The following ADGRV1 variants were observed in gnomAD, a reference collection of about 807,000 sequenced individuals.
ADGRV1 encodes the protein G-protein coupled receptor 98.
Under a neutral mutation model 596.2 loss-of-function variants are expected in ADGRV1, and 359 were observed. That is an observed-to-expected ratio of 0.60 (90% CI 0.55 to 0.66). The LOEUF (loss-of-function observed/expected upper bound fraction) is 0.66. Among genes scored for constraint, ADGRV1 ranks in the 30% least tolerant of loss-of-function variants. ADGRV1 has a pLI of 0.00. For synonymous variants in ADGRV1, 2,681 were observed against 2,679.2 expected (o/e 1.00, Z -0.02); for missense variants, 7,274 against 7,575.6 (o/e 0.96, Z 1.48).
Position 90,706,392 on chromosome 5 carries a change from G to C in ADGRV1, c.8728G>C (p.Glu2910Gln), listed in dbSNP as rs1474414053. 5.2e-6 allele frequency: 8 copies of C among 1,543,148 alleles called. No homozygotes were observed. Among genetic ancestry groups the C allele is most frequent in the Non-Finnish European group, 5.2e-6 (6 of 1,157,504 alleles). The change falls in exon 38 of 90, where the codon GAG (glutamate) becomes CAG (glutamine). Residue 2910 changes from glutamate to glutamine, a missense_variant and splice_region_variant. Around this residue, in one of 5 missense-constraint regions of ADGRV1, gnomAD observed 3,643 missense variants for 3,809.2 expected, o/e 0.96. Coordinates refer to ENST00000405460, the MANE Select transcript of ADGRV1 (RefSeq NM_032119.4). ...AGCAGCCATCAACATTACCATTCTT[G>C]AGGTAAAACTCTTTTTTTTTTTTAA... ...TAAAINITIL[E>Q]DDVPELEEYF...
At chr5:91,034,785 G>A (rs1266504392) in intron 85 of ADGRV1, among the ~76,000 whole-genome samples, 1 of 152,070 alleles carries the variant, frequency 6.6e-6, no homozygotes, top group Non-Finnish European at 1.5e-5. Flanking sequence ...CAGCATAATG[G>A]GTGTTTTGGT....
Position 91,147,764 on chromosome 5 carries a change from A to G in ADGRV1, c.18433-2266A>G, listed in dbSNP as rs4469219. Among the ~76,000 whole-genome samples, 697 of 152,274 alleles carry G rather than the reference A, an allele frequency of 4.6e-3. 46 individuals carry two copies. In the East Asian group the frequency reaches 0.12, roughly 25 times the overall value. On this transcript the variant is annotated intron_variant, in intron 87 of 89. Transcript: ENST00000405460. ...GAGAGTGGGGTGCTGCTATAAAGCT[A>G]TCCAAAAATGTGGAAGCGCCGTTGG...
chr5:90,675,580 G>A (rs986421517), intron 24 of ADGRV1, 135 bp downstream of exon 24: 8 of 877,690 alleles, frequency 9.1e-6, no homozygotes, highest in East Asian at 5.4e-5. Flanking sequence ...AGGCAAAGGC[G>A]AGAGGATTGC....
intron 50 of ADGRV1, among the ~76,000 whole-genome samples, chr5:90,732,755 C>A (rs1752714801): frequency 6.6e-6 from 1 of 152,174 alleles, no homozygotes; most frequent in Non-Finnish European, 1.5e-5. Context: ...CAGTCTACTC[C>A]AGTATTATCA....
chr5:90,696,987 G>C lies in ADGRV1; in HGVS notation c.7996G>C (p.Glu2666Gln). ...ILTILDDSEP[E>Q]DDESIIVSLV... ...AACCATCTTGGATGACTCTGAACCA[G>C]AGGATGACGAAAGTATCATAGTTAG... The change falls in exon 34 of 90, where the codon GAG (glutamate) becomes CAG (glutamine). Residue 2666 changes from glutamate to glutamine, a missense_variant. Transcript: ENST00000405460. The C allele has an allele frequency of 6.2e-7, 1 of 1,613,080 alleles. No homozygotes were observed. The highest frequency in any genetic ancestry group is 2.2e-5 in the East Asian group (1 of 44,844).
chr5:90,914,817 T>A (rs1240643985), intron 83 of ADGRV1, among the ~76,000 whole-genome samples: 1 of 152,160 alleles, frequency 6.6e-6, no homozygotes, highest in African/African-American at 2.4e-5. Context: ...CCTTTTCTAA[T>A]AAGCAGTTGT....
At chr5:90,932,400 CTAAGT>C (rs1775327776) in intron 83 of ADGRV1, among the ~76,000 whole-genome samples, 1 of 152,116 alleles carries the variant, frequency 6.6e-6, no homozygotes, top group Non-Finnish European at 1.5e-5. Context: ...TGTTACTAAG[CTAAGT>C]TTTGTACCTT....
chr5:90,976,681 A>G (rs917532836), intron 84 of ADGRV1, among the ~76,000 whole-genome samples: 2 of 152,134 alleles, frequency 1.3e-5, no homozygotes, highest in Non-Finnish European at 2.9e-5. Flanking sequence ...ATATTCATAT[A>G]TGATATAGGT....
At chr5:90,994,523 A>G (rs548282231) in intron 85 of ADGRV1, among the ~76,000 whole-genome samples, 1 of 152,210 alleles carries the variant, frequency 6.6e-6, no homozygotes, top group South Asian at 2.1e-4. Flanking sequence ...TAGCTAATTT[A>G]AAGTATTTGT....
intron 11 of ADGRV1, among the ~76,000 whole-genome samples, chr5:90,642,131 C>A (rs572423002): frequency 6.6e-6 from 1 of 152,020 alleles, no homozygotes; most frequent in East Asian, 1.9e-4. Context: ...TTTTTATCAG[C>A]GTGGCTTGCT....
At chr5:90,971,689 GT>G in intron 84 of ADGRV1, among the ~76,000 whole-genome samples, 1 of 152,150 alleles carries the variant, frequency 6.6e-6, no homozygotes, top group East Asian at 1.9e-4. Context: ...CCTACAAGGG[GT>G]CCTGAAGGAA....
intron 83 of ADGRV1, among the ~76,000 whole-genome samples, chr5:90,952,819 CTTTAT>C (rs1326903590): frequency 6.6e-6 from 1 of 152,062 alleles, no homozygotes; most frequent in African/African-American, 2.4e-5. Context: ...CACAGTACTC[CTTTAT>C]TTTATTTCCT....
chr5:90,995,105 A>G (rs998279917), intron 85 of ADGRV1, among the ~76,000 whole-genome samples: 2 of 152,206 alleles, frequency 1.3e-5, no homozygotes, highest in Non-Finnish European at 2.9e-5. Context: ...GCTTATGTGT[A>G]TATCTCATGC....
At chr5:90,822,186 C>T (rs140439402) in intron 75 of ADGRV1, 8,263 of 153,270 alleles carry the variant, frequency 0.054, 627 homozygotes, top group African/African-American at 0.19. Flanking sequence ...TTTCCAGGTG[C>T]GTCCGTCACC....
chr5:90,607,521 A>G (rs1390676960), intron 1 of ADGRV1, among the ~76,000 whole-genome samples: 1 of 152,138 alleles, frequency 6.6e-6, no homozygotes, highest in Non-Finnish European at 1.5e-5. Context: ...CCATATGATG[A>G]TCGAATTCAG....
At chr5:90,778,752 A>G (rs1429062921) in intron 63 of ADGRV1, 113 bp from the exon 64 acceptor site, 1 of 1,048,634 alleles carries the variant, frequency 9.5e-7, no homozygotes, top group Admixed American at 2.9e-5. Context: ...ATATAATTTT[A>G]TAACCTTATA....
At chr5:91,135,676 C>T (rs1445604630) in intron 87 of ADGRV1, among the ~76,000 whole-genome samples, 1 of 152,144 alleles carries the variant, frequency 6.6e-6, no homozygotes, top group Non-Finnish European at 1.5e-5. Flanking sequence ...TTCATATATT[C>T]ACTCATCTAC....
intron 34 of ADGRV1, among the ~76,000 whole-genome samples, chr5:90,703,362 C>T (rs1748157400): frequency 6.6e-6 from 1 of 152,036 alleles, no homozygotes; most frequent in African/African-American, 2.4e-5. Context: ...ATTTACAGAA[C>T]ACTTATGTTC....
At chr5:90,837,639 T>C (rs1581272173) in intron 77 of ADGRV1, among the ~76,000 whole-genome samples, 2 of 152,124 alleles carry the variant, frequency 1.3e-5, no homozygotes, top group South Asian at 4.1e-4. Flanking sequence ...CCATTGTCAC[T>C]TTTAAATTGC....
Sources: allele counts gnomAD v4.1 joint callset (sites outside exome capture counted in the v4.1 genomes callset), GRCh38; gene constraint gnomAD v4.1.1; regional missense constraint gnomAD v4.1.1; transcripts MANE v1.5; gene names NCBI Gene and HGNC (gene_info 2026-07-23, HGNC 2026-07-21).